The following KCNH5 variants were observed in gnomAD, a reference collection of about 807,000 sequenced individuals.
KCNH5 encodes voltage-gated delayed rectifier potassium channel KCNH5.
KCNH5 carries 46 observed loss-of-function variants against 96.1 expected under a neutral mutation model. The ratio of observed to expected loss-of-function variants is 0.48; its 90% CI spans 0.38 to 0.61. The LOEUF is 0.61. Ranked by LOEUF, KCNH5 falls within the 20% of genes least tolerant of loss-of-function variation. The probability of loss-of-function intolerance (pLI) is 0.00; values close to 1 mark genes in which losing one functional copy is unlikely to be tolerated. For missense variants in KCNH5, 907 were observed against 1,225.8 expected (o/e 0.74, Z 3.88); for synonymous variants, 439 against 449.8 (o/e 0.98, Z 0.30).
At chr14:62,867,567 GT>G (rs1379425447) in intron 7 of KCNH5, among the ~76,000 whole-genome samples, 1 of 152,128 alleles carries the variant, frequency 6.6e-6, no homozygotes, top group Non-Finnish European at 1.5e-5. Context: ...CTCCTAACTA[GT>G]TCTTTATTTT....
intron 8 of KCNH5, among the ~76,000 whole-genome samples, chr14:62,822,842 A>G (rs1887142926): frequency 6.6e-6 from 1 of 152,086 alleles, no homozygotes; most frequent in Admixed American, 6.6e-5. Flanking sequence ...CAAAAATTTA[A>G]TCCTTTAAAA....
At chr14:62,972,788 T>A (rs559127187) in intron 6 of KCNH5, among the ~76,000 whole-genome samples, 1 of 152,130 alleles carries the variant, frequency 6.6e-6, no homozygotes, top group Admixed American at 6.5e-5. Flanking sequence ...ATTCTAACTA[T>A]ATGACACTTA....
intron 8 of KCNH5, among the ~76,000 whole-genome samples, chr14:62,812,429 G>C (rs1886891174): frequency 6.6e-6 from 1 of 152,106 alleles, no homozygotes; most frequent in African/African-American, 2.4e-5. Context: ...TACTCACCCA[G>C]AGGAAGACAT....
chr14:62,791,728 C>G (rs1886439397), intron 9 of KCNH5, among the ~76,000 whole-genome samples: 1 of 151,710 alleles, frequency 6.6e-6, no homozygotes, highest in African/African-American at 2.4e-5. Context: ...TATATAACAA[C>G]TGTAAATATA....
At position 63,013,022 on chromosome 14, in the gene KCNH5, G is replaced by A. The variant is rs74777776; in HGVS notation, c.197+3809C>T. On this transcript the variant is annotated intron_variant, in intron 2 of 10. Coordinates refer to ENST00000322893, the MANE Select transcript of KCNH5 (RefSeq NM_139318.5). ...AAAAAAATAAAATAAAATAAAGAGA[G>A]ACCTTGCTTAGAGAGAGCAAAATGA... is the stretch of plus-strand genomic sequence containing the variant. 7.6e-3 allele frequency among the ~76,000 whole-genome samples: 1,148 copies of A among 151,850 alleles called. 4 individuals are homozygous for A. The highest frequency in any genetic ancestry group is 0.031 in the Middle Eastern group (9 of 294).
At chr14:62,790,505 A>C (rs1361969434) in intron 9 of KCNH5, among the ~76,000 whole-genome samples, 1 of 151,790 alleles carries the variant, frequency 6.6e-6, no homozygotes, top group African/African-American at 2.4e-5. Flanking sequence ...TGTACATTTT[A>C]ACAATATTAA....
chr14:62,943,124 C>T (rs866396309), intron 7 of KCNH5, among the ~76,000 whole-genome samples: 54 of 152,162 alleles, frequency 3.5e-4, no homozygotes, highest in African/African-American at 1.3e-3. Context: ...TTATTCAAAA[C>T]ATATTTTTAT....
chr14:62,906,786 C>T (rs1486465382), intron 7 of KCNH5, among the ~76,000 whole-genome samples: 2 of 152,016 alleles, frequency 1.3e-5, no homozygotes, highest in Non-Finnish European at 1.5e-5. Flanking sequence ...TGGTGACATC[C>T]ATATTCTTTC....
rs147077536 is a variant in KCNH5, at chr14:62,788,926, G to A, written c.1823-9002C>T. Among the ~76,000 whole-genome samples the A allele has an allele frequency of 3.5e-3, 532 of 152,004 alleles. 2 individuals are homozygous for A. The highest frequency in any genetic ancestry group is 0.012 in the African/African-American group (511 of 41,458). The stretch of plus-strand genomic sequence containing the variant: ...AAATTGGTGACTCTATTACAACATT[G>A]GCTCTATTATGGTGGTCTGGTACCA... On this transcript the variant is annotated intron_variant, in intron 9 of 10. Transcript: ENST00000322893.
At position 62,702,169 on chromosome 14, in the gene KCNH5, C is replaced by G. The variant is rs746685442; in HGVS notation, c.*5339G>C. On this transcript the variant is annotated 3_prime_UTR_variant, in exon 11 of 11. Transcript: ENST00000322893. ...TACCAGTGACCATATATCAAACATA[C>G]CACATTTGACAGTTTACTTTGGCCG... is the stretch of plus-strand genomic sequence containing the variant. The G allele has an allele frequency of 3.3e-5, 5 of 151,974 alleles. No homozygotes were observed. Among genetic ancestry groups the G allele is most frequent in the Non-Finnish European group, 7.4e-5 (5 of 67,934 alleles). 9.4% of individuals were successfully genotyped at this position (151,974 alleles called of 1,614,324 possible).
At chr14:62,874,138 C>T (rs917709320) in intron 7 of KCNH5, among the ~76,000 whole-genome samples, 12 of 152,152 alleles carry the variant, frequency 7.9e-5, no homozygotes, top group Non-Finnish European at 1.5e-5. Context: ...TTGCGGGACA[C>T]TTTGTATATC....
chr14:62,718,542 T>A (rs1884735983), intron 10 of KCNH5, among the ~76,000 whole-genome samples: 1 of 152,008 alleles, frequency 6.6e-6, no homozygotes, highest in African/African-American at 2.4e-5. Flanking sequence ...ATGGCTGTAG[T>A]AAAAAACACA....
chr14:62,824,224 A>G (rs1343074539), intron 8 of KCNH5, among the ~76,000 whole-genome samples: 1 of 152,118 alleles, frequency 6.6e-6, no homozygotes, highest in African/African-American at 2.4e-5. Context: ...AAGACAACCA[A>G]TGCTTGAGAT....
intron 6 of KCNH5, among the ~76,000 whole-genome samples, chr14:62,967,273 G>C (rs1219939912): frequency 6.6e-6 from 1 of 151,796 alleles, no homozygotes; most frequent in East Asian, 1.9e-4. Context: ...GTGGAGATGG[G>C]GTCCTAGTAT....
intron 10 of KCNH5, among the ~76,000 whole-genome samples, chr14:62,757,149 T>G (rs2139951248): frequency 6.6e-6 from 1 of 152,322 alleles, no homozygotes; most frequent in Middle Eastern, 3.4e-3. Flanking sequence ...TGAGTAGACA[T>G]TTCTCAAAAG....
chr14:62,942,588 C>T (rs984251202), intron 7 of KCNH5, among the ~76,000 whole-genome samples: 1 of 152,172 alleles, frequency 6.6e-6, no homozygotes, highest in Non-Finnish European at 1.5e-5. Flanking sequence ...CCCAGTTGCA[C>T]TTAACCGCCT....
intron 7 of KCNH5, among the ~76,000 whole-genome samples, chr14:62,867,220 T>C (rs966412381): frequency 5.3e-5 from 8 of 152,230 alleles, no homozygotes; most frequent in South Asian, 2.1e-4. Flanking sequence ...GAGAAGCACA[T>C]AGATACGTGA....
chr14:62,721,025 C>T (rs923637865), intron 10 of KCNH5, among the ~76,000 whole-genome samples: 5 of 152,208 alleles, frequency 3.3e-5, no homozygotes, highest in African/African-American at 9.6e-5. Flanking sequence ...ATCTACCAGG[C>T]AGGCATTCTG....
At chr14:62,708,802 A>C (rs1454122976) in intron 10 of KCNH5, among the ~76,000 whole-genome samples, 1 of 152,180 alleles carries the variant, frequency 6.6e-6, no homozygotes, top group Non-Finnish European at 1.5e-5. Flanking sequence ...ATACACACAT[A>C]CATACACACA....
Sources: gnomAD v4.1 joint callset for allele counts (sites outside exome capture counted in the v4.1 genomes callset) on GRCh38, gnomAD v4.1.1 for gene constraint, MANE v1.5 for transcripts, NCBI Gene and HGNC (gene_info 2026-07-23, HGNC 2026-07-21) for gene names.